LYZL6: variants seen among roughly 807,000 people sequenced by gnomAD.
The protein encoded by LYZL6 is lysozyme like 6, also known as lysozyme-like protein 6.
In LYZL6, 21 loss-of-function variants were observed where a neutral mutation model predicts 15.0. That is an observed-to-expected ratio of 1.40 (90% confidence interval 1.00 to 2.02). LYZL6 has a LOEUF of 2.02. LYZL6 is among the 30% of genes most tolerant of loss of function. The probability of loss-of-function intolerance (pLI) is 0.00; values close to 1 mark genes in which losing one functional copy is unlikely to be tolerated. For missense variants in LYZL6, 173 were observed against 180.5 expected (o/e 0.96, Z 0.24); for synonymous variants, 72 against 67.8 (o/e 1.06, Z -0.31).
chr17:35,934,725 A>G lies in LYZL6; in HGVS notation c.*71T>C. ...ATAACATGAAGTGGAGGCAGTAGGA[A>G]GAAGAAATGAAGAATCCCTGAGTGA... On this transcript the variant is annotated 3_prime_UTR_variant, in exon 5 of 5. Coordinates refer to ENST00000615905, the MANE Select transcript of LYZL6 (RefSeq NM_020426.4). The G allele has an allele frequency of 1.4e-6, 2 of 1,381,210 alleles. No homozygotes were observed. Among genetic ancestry groups the G allele is most frequent in the Non-Finnish European group, 1.0e-6 (1 of 973,980 alleles). 85.6% of individuals were successfully genotyped at this position (1,381,210 alleles called of 1,614,324 possible).
chr17:35,942,075 G>A (rs2089428447), intron 1 of LYZL6, among the ~76,000 whole-genome samples: 1 of 152,208 alleles, frequency 6.6e-6, no homozygotes, highest in Non-Finnish European at 1.5e-5. Flanking sequence ...GGATGCATAG[G>A]CTATGTCTAA....
At position 35,936,846 on chromosome 17, in the gene LYZL6, A is replaced by G; in HGVS notation, c.299-13T>C. ...GGATTCAGCAGATCTGAAAGGGAGG[A>G]AGAGAAAACCTGTGAGGGCACAGAA... On this transcript the variant is annotated splice_polypyrimidine_tract_variant and intron_variant, in intron 3 of 4. Transcript: ENST00000615905. The G allele has an allele frequency of 5.0e-6, 8 of 1,612,116 alleles. No homozygotes were observed. Among genetic ancestry groups the G allele is most frequent in the Non-Finnish European group, 6.8e-6 (8 of 1,179,022 alleles).
chr17:35,939,347 C>T lies in LYZL6; in HGVS notation c.10G>A (p.Ala4Thr). MTK[A>T]LLIYLVSSFL... The stretch of plus-strand genomic sequence containing the variant: ...CTGCTGACCAAATAGATGAGTAGCG[C>T]CTTTGTCATCCTTGGAGGGGAGGAG... Residue 4 changes from alanine to threonine, a missense_variant, in exon 2 of 5, where the codon GCG (alanine) becomes ACG (threonine). Coordinates refer to ENST00000615905, the MANE Select transcript of LYZL6 (RefSeq NM_020426.4). The T allele has an allele frequency of 6.2e-7, 1 of 1,613,990 alleles. No individual in the cohort carries two copies. Among genetic ancestry groups the T allele is most frequent in the Non-Finnish European group, 8.5e-7 (1 of 1,179,954 alleles).
chr17:35,936,786 T>TG lies in LYZL6; in HGVS notation c.345_346insC (p.Ile116HisfsTer75). 6.2e-7 allele frequency: 1 copy of TG among 1,613,892 alleles called. No homozygotes were observed. The highest frequency in any genetic ancestry group is 8.5e-7 in the Non-Finnish European group (1 of 1,180,020). On this transcript the variant is annotated frameshift_variant, in exon 4 of 5. Coordinates refer to ENST00000615905, the MANE Select transcript of LYZL6 (RefSeq NM_020426.4). LOFTEE classifies it high-confidence loss of function. ...TTCATCCCCCGTGCTCCGGACACAATCCTTTTTGCGCAGTGGATGCCTGCA... is the reference window on the plus strand; with the variant it reads ...TTCATCCCCCGTGCTCCGGACACAATGCCTTTTTGCGCAGTGGATGCCTGCA...
In LYZL6 at chr17:35,939,327, G is replaced by A; in HGVS notation, c.30C>T (p.Val10=). 1 of 1,614,134 alleles carries A rather than the reference G, an allele frequency of 6.2e-7. No homozygotes were observed. Among genetic ancestry groups the A allele is most frequent in the Non-Finnish European group, 8.5e-7 (1 of 1,180,002 alleles). ...CCTGATTTAGGGCAAGAAAGCTGCT[G>A]ACCAAATAGATGAGTAGCGCCTTTG... is the stretch of plus-strand genomic sequence containing the variant. MTKALLIYL[V]SSFLALNQAS... Residue 10 remains valine (V), a synonymous_variant, in exon 2 of 5, where the codon GTC becomes GTT. Coordinates refer to ENST00000615905, the MANE Select transcript of LYZL6 (RefSeq NM_020426.4).
Position 35,934,738 on chromosome 17 carries a change from A to G in LYZL6, c.*58T>C. The stretch of plus-strand genomic sequence containing the variant: ...GAGGCAGTAGGAAGAAGAAATGAAG[A>G]ATCCCTGAGTGAGGACAGGAGTCTT... On this transcript the variant is annotated 3_prime_UTR_variant, in exon 5 of 5. Transcript: ENST00000615905. 2 of 1,482,618 alleles carry G rather than the reference A, an allele frequency of 1.3e-6. No homozygotes were observed. The highest frequency in any genetic ancestry group is 1.4e-5 in the African/African-American group (1 of 71,986). 91.8% of individuals were successfully genotyped at this position (1,482,618 alleles called of 1,614,324 possible).
intron 1 of LYZL6, among the ~76,000 whole-genome samples, chr17:35,940,133 C>T (rs2089414269): frequency 6.6e-6 from 1 of 152,012 alleles, no homozygotes; most frequent in Non-Finnish European, 1.5e-5. Flanking sequence ...ATAGCAAGGG[C>T]CCTAGATTCA....
intron 3 of LYZL6, among the ~76,000 whole-genome samples, chr17:35,937,233 A>G (rs143649875): frequency 1.3e-5 from 2 of 152,340 alleles, no homozygotes; most frequent in African/African-American, 4.8e-5. Context: ...GGTGAGGGGC[A>G]GAGTCATGGG....
chr17:35,942,254 G>T (rs2089429568), intron 1 of LYZL6, among the ~76,000 whole-genome samples: 1 of 152,220 alleles, frequency 6.6e-6, no homozygotes, highest in Non-Finnish European at 1.5e-5. Flanking sequence ...CTTAGGCCAG[G>T]AGTTTGAGAC....
intron 2 of LYZL6, among the ~76,000 whole-genome samples, chr17:35,938,885 T>G (rs938635893): frequency 1.5e-4 from 23 of 152,184 alleles, no homozygotes; most frequent in Admixed American, 1.4e-3. Flanking sequence ...AATTCACCAT[T>G]GCTCCCCCTG....
intron 3 of LYZL6, among the ~76,000 whole-genome samples, chr17:35,937,390 C>T (rs565215260): frequency 2.7e-4 from 41 of 152,296 alleles, no homozygotes; most frequent in Admixed American, 1.7e-3. Context: ...CTTTTTGAGC[C>T]TCAGTTTGCT....
In LYZL6 at chr17:35,937,914, G is replaced by GC. The variant is rs757037160; in HGVS notation, c.141dup (p.Leu48AlafsTer17). On this transcript the variant is annotated frameshift_variant and splice_region_variant, in exon 3 of 5. Coordinates refer to ENST00000615905, the MANE Select transcript of LYZL6 (RefSeq NM_020426.4). LOFTEE classifies it high-confidence loss of function. ...TTGCTTTCCACAAAAGCCAGGCACAGCCCTTAGAGTAGGGAGAAGAAGGTC... is the reference window on the plus strand; with the variant it reads ...TTGCTTTCCACAAAAGCCAGGCACAGCCCCTTAGAGTAGGGAGAAGAAGGTC... The GC allele has an allele frequency of 6.2e-7, 1 of 1,613,462 alleles. No homozygotes were observed. The highest frequency in any genetic ancestry group is 1.1e-5 in the South Asian group (1 of 91,070).
chr17:35,939,338 T>C lies in LYZL6; in HGVS notation c.19A>G (p.Ile7Val). Residue 7 changes from isoleucine to valine, a missense_variant, in exon 2 of 5, where the codon ATC (isoleucine) becomes GTC (valine). By Grantham distance (29) the Ile-to-Val change is conservative. Coordinates refer to ENST00000615905, the MANE Select transcript of LYZL6 (RefSeq NM_020426.4). ...GCAAGAAAGCTGCTGACCAAATAGA[T>C]GAGTAGCGCCTTTGTCATCCTTGGA... The part of the protein sequence containing the change: MTKALL[I>V]YLVSSFLALN... 6.2e-7 allele frequency: 1 copy of C among 1,614,044 alleles called. No individual in the cohort carries two copies. Among genetic ancestry groups the C allele is most frequent in the Non-Finnish European group, 8.5e-7 (1 of 1,179,974 alleles).
Position 35,939,291 on chromosome 17 carries a change from G to C in LYZL6, c.66C>G (p.Ile22Met), listed in dbSNP as rs2089405423. 1 of 1,614,040 alleles carries C rather than the reference G, an allele frequency of 6.2e-7. No homozygotes were observed. Among genetic ancestry groups the C allele is most frequent in the Non-Finnish European group, 8.5e-7 (1 of 1,180,012 alleles). Reference protein sequence around the residue: ...SFLALNQASLISRCDLAQVLQ... With the variant: ...SFLALNQASLMSRCDLAQVLQ... The stretch of plus-strand genomic sequence containing the variant: ...GCACCTGGGCCAAGTCACAGCGACT[G>C]ATGAGGCTGGCCTGATTTAGGGCAA... Residue 22 changes from isoleucine to methionine, a missense_variant, in exon 2 of 5, where the codon ATC becomes ATG. Transcript: ENST00000615905.
At position 35,939,365 on chromosome 17, in the gene LYZL6, G is replaced by A. The variant is rs2089406962; in HGVS notation, c.-9C>T. Reference sequence around the variant, plus strand: ...AGTAGCGCCTTTGTCATCCTTGGAGGGGAGGAGGTGCAGCTGAGGGCTGAT... The same window carrying A: ...AGTAGCGCCTTTGTCATCCTTGGAGAGGAGGAGGTGCAGCTGAGGGCTGAT... On this transcript the variant is annotated 5_prime_UTR_variant, in exon 2 of 5. Transcript: ENST00000615905. 1.2e-6 allele frequency: 2 copies of A among 1,613,822 alleles called. No homozygotes were observed. The highest frequency in any genetic ancestry group is 8.5e-7 in the Non-Finnish European group (1 of 1,179,768).
intron 2 of LYZL6, among the ~76,000 whole-genome samples, chr17:35,938,976 G>A (rs1414958739): frequency 6.6e-6 from 1 of 152,174 alleles, no homozygotes; most frequent in East Asian, 1.9e-4. Flanking sequence ...CCCCTAGGAT[G>A]TGAACATTAT....
At chr17:35,939,868 G>C (rs2089411650) in intron 1 of LYZL6, among the ~76,000 whole-genome samples, 2 of 152,098 alleles carry the variant, frequency 1.3e-5, no homozygotes, top group Admixed American at 6.6e-5. Flanking sequence ...ATTGGGATGG[G>C]GAGTGAGGTT....
Position 35,937,879 on chromosome 17 carries a change from T to C in LYZL6, c.177A>G (p.Ile59Met), listed in dbSNP as rs1225889372. 1.1e-5 allele frequency: 18 copies of C among 1,614,086 alleles called. No individual in the cohort carries two copies. The highest frequency in any genetic ancestry group is 1.4e-5 in the Non-Finnish European group (17 of 1,180,026). Reference protein sequence around the residue: ...CLAFVESKFNISKINENADGS... With the variant: ...CLAFVESKFNMSKINENADGS... ...CGTCTGCATTTTCATTTATCTTTGA[T>C]ATGTTGAACTTGCTTTCCACAAAAG... is the stretch of plus-strand genomic sequence containing the variant. Residue 59 changes from isoleucine (I) to methionine (M), a missense_variant, in exon 3 of 5, where the codon ATA becomes ATG. By Grantham distance (10) the Ile-to-Met change is conservative. Coordinates refer to ENST00000615905, the MANE Select transcript of LYZL6 (RefSeq NM_020426.4).
Position 35,943,128 on chromosome 17 carries a change from A to T in LYZL6, c.-203+439T>A, listed in dbSNP as rs532229455. On this transcript the variant is annotated intron_variant, in intron 1 of 4. Transcript: ENST00000615905. ...CCTGGGACCTCTGTCTGTGACAGAG[A>T]GCTGTTCTTTCCTTTTGCCTATTAA... Among the ~76,000 whole-genome samples the T allele has an allele frequency of 3.9e-5, 6 of 152,080 alleles. No individual in the cohort carries two copies. In the South Asian group the frequency reaches 1.0e-3, roughly 26 times the overall value.
Sources: gnomAD v4.1 joint callset for allele counts (sites outside exome capture counted in the v4.1 genomes callset) on GRCh38, gnomAD v4.1.1 for gene constraint, MANE v1.5 for transcripts, NCBI Gene and HGNC (gene_info 2026-07-23, HGNC 2026-07-21) for gene names.